Variants in DLG1 observed in about 807,000 individuals in gnomAD.
DLG1 encodes the protein discs large MAGUK scaffold protein 1, also known as disks large homolog 1.
Under a neutral mutation model 123.4 loss-of-function variants are expected in DLG1, and 42 were observed. The ratio of observed to expected loss-of-function variants is 0.34; its 90% CI spans 0.27 to 0.44. The LOEUF (loss-of-function observed/expected upper bound fraction) is 0.44, where lower values mean the gene tolerates loss of function less well. Ranked by LOEUF, DLG1 falls within the 20% of genes least tolerant of loss-of-function variation. DLG1 has a pLI of 1.00. For synonymous variants in DLG1, 317 were observed against 356.2 expected, an observed-to-expected ratio of 0.89 and a Z score of 1.24; for missense variants, 942 against 1,082.6, an observed-to-expected ratio of 0.87 and a Z score of 1.82.
intron 17 of DLG1, chr3:197,080,819 A>G: frequency 2.8e-6 from 1 of 358,506 alleles, no homozygotes; most frequent in Non-Finnish European, 5.0e-6. Flanking sequence ...TTCATTTATA[A>G]AAATAAGCTT....
In DLG1 at chr3:197,297,213, A is replaced by C. The variant is rs991070764; in HGVS notation, c.-9T>G. On this transcript the variant is annotated 5_prime_UTR_variant, in exon 2 of 25. Coordinates refer to ENST00000667157, the MANE Select transcript of DLG1 (RefSeq NM_001366207.1). ...TGCTTCCGGACCGGCATTTTTCTCC[A>C]GAATCAGGAAGAGGGCACACACCTT... 1 of 1,614,040 alleles carries C rather than the reference A, an allele frequency of 6.2e-7. No individual in the cohort carries two copies. The highest frequency in any genetic ancestry group is 1.3e-5 in the African/African-American group (1 of 74,918).
At chr3:197,140,372 T>TA in intron 7 of DLG1, 108 bp from the exon 8 acceptor site, 1 of 1,112,496 alleles carries the variant, frequency 9.0e-7, no homozygotes. Flanking sequence ...ACACAACAAA[T>TA]AAAGGTATAT....
rs1730689939 is a variant in DLG1, at chr3:197,210,312, G to GA, written c.319-15724dup. ...AGAAGGAAGGAAATAATAAAAGGCAGAAATCAATGAAACAGAAAACAAAGA... is the reference window on the plus strand; with the variant it reads ...AGAAGGAAGGAAATAATAAAAGGCAGAAAATCAATGAAACAGAAAACAAAGA... On this transcript the variant is annotated intron_variant, in intron 4 of 24. Coordinates refer to ENST00000667157, the MANE Select transcript of DLG1 (RefSeq NM_001366207.1). Among the ~76,000 whole-genome samples the GA allele has an allele frequency of 1.4e-5, 2 of 140,980 alleles. 1 individual carries two copies. The highest frequency in any genetic ancestry group is 5.0e-5 in the African/African-American group (2 of 40,218). The allele number at this position is 140,980 out of a possible 152,430, so 92.5% of individuals were successfully genotyped here.
intron 4 of DLG1, among the ~76,000 whole-genome samples, chr3:197,196,696 A>G (rs1208315476): frequency 1.3e-5 from 2 of 152,246 alleles, no homozygotes; most frequent in Non-Finnish European, 2.9e-5. Context: ...CCATCGTAGG[A>G]AATTCTACAC....
intron 5 of DLG1, among the ~76,000 whole-genome samples, chr3:197,190,811 C>A (rs1577823603): frequency 6.6e-6 from 1 of 152,208 alleles, no homozygotes; most frequent in Non-Finnish European, 1.5e-5. Flanking sequence ...GAGATCGAGA[C>A]CATCCTGGCT....
Position 197,119,520 on chromosome 3 carries a change from C to T in DLG1, c.1176G>A (p.Gln392=), listed in dbSNP as rs764353379. ...APPDITNSSS[Q]PVDNHVSPSS... ...ATGGGCTAACATGGTTATCAACAGG[C>T]TGAGAAGAAGCTTCAAAATAAACAA... Residue 392 remains glutamine (Q), a synonymous_variant, in exon 12 of 25, where the codon CAG becomes CAA. Transcript: ENST00000667157. 2 of 1,605,992 alleles carry T rather than the reference C, an allele frequency of 1.2e-6. No homozygotes were observed. The highest frequency in any genetic ancestry group is 1.1e-5 in the South Asian group (1 of 89,998).
intron 6 of DLG1, among the ~76,000 whole-genome samples, chr3:197,147,321 G>T (rs1248963956): frequency 6.6e-6 from 1 of 152,000 alleles, no homozygotes. Context: ...GTCATTATAT[G>T]AAAAAGATAC....
At chr3:197,241,917 C>T (rs916181546) in intron 4 of DLG1, among the ~76,000 whole-genome samples, 5 of 151,856 alleles carry the variant, frequency 3.3e-5, no homozygotes, top group Admixed American at 2.6e-4. Flanking sequence ...GGAAGAGTTA[C>T]GAAACAATCA....
In DLG1 at chr3:197,066,865, G is replaced by C. The variant is rs900743073; in HGVS notation, c.2048-111C>G. On this transcript the variant is annotated intron_variant, in intron 19 of 24. Coordinates refer to ENST00000667157, the MANE Select transcript of DLG1 (RefSeq NM_001366207.1). ...AGAACTTTCCTGAGAAAATGGCAAA[G>C]ATATGGAAAGAGGTACTTTATGGCA... The C allele has an allele frequency of 7.9e-6, 5 of 633,950 alleles. No individual in the cohort carries two copies. In the African/African-American group the frequency reaches 9.3e-5, roughly 12 times the overall value. The allele number at this position is 633,950 out of a possible 1,614,324, so 39.3% of individuals were successfully genotyped here.
intron 4 of DLG1, among the ~76,000 whole-genome samples, chr3:197,273,188 ATGTG>A (rs34778202): frequency 6.8e-5 from 10 of 147,966 alleles, no homozygotes; most frequent in Admixed American, 3.4e-4. Flanking sequence ...CACTGAATAT[ATGTG>A]TGTGTGTGTG....
intron 4 of DLG1, among the ~76,000 whole-genome samples, chr3:197,218,968 T>C (rs1371265851): frequency 1.3e-5 from 2 of 151,798 alleles, no homozygotes; most frequent in Admixed American, 1.3e-4. Flanking sequence ...CCGTCTCTAG[T>C]AAAAATACAA....
At chr3:197,146,559 C>T (rs1790865112) in intron 6 of DLG1, among the ~76,000 whole-genome samples, 1 of 152,160 alleles carries the variant, frequency 6.6e-6, no homozygotes, top group South Asian at 2.1e-4. Flanking sequence ...AAAGGACACC[C>T]TATTTGACAA....
intron 4 of DLG1, among the ~76,000 whole-genome samples, chr3:197,218,716 A>G (rs1735313678): frequency 6.6e-6 from 1 of 152,218 alleles, no homozygotes; most frequent in South Asian, 2.1e-4. Context: ...ATTTAAAATA[A>G]CAATGTAAAT....
intron 13 of DLG1, among the ~76,000 whole-genome samples, chr3:197,108,733 C>T (rs529197317): frequency 2.6e-5 from 4 of 152,260 alleles, no homozygotes; most frequent in African/African-American, 9.6e-5. Context: ...CACCCGTTTA[C>T]TTTCAACCTT....
intron 22 of DLG1, among the ~76,000 whole-genome samples, chr3:197,062,575 T>A (rs1294749040): frequency 2.0e-5 from 3 of 152,214 alleles, no homozygotes; most frequent in African/African-American, 7.2e-5. Context: ...TTTTTACACA[T>A]CTTCATCATT....
chr3:197,141,723 A>AT (rs1276151841), intron 7 of DLG1, among the ~76,000 whole-genome samples: 1 of 152,028 alleles, frequency 6.6e-6, no homozygotes, highest in Non-Finnish European at 1.5e-5. Context: ...GAATGCAGAT[A>AT]TTCTTTTTTC....
Position 197,272,631 on chromosome 3 carries a change from A to G in DLG1, c.318+10048T>C, listed in dbSNP as rs573456040. Among the ~76,000 whole-genome samples the G allele has an allele frequency of 2.0e-4, 30 of 152,376 alleles. No homozygotes were observed. In the South Asian group the frequency reaches 6.2e-3, roughly 32 times the overall value. On this transcript the variant is annotated intron_variant, in intron 4 of 24. Coordinates refer to ENST00000667157, the MANE Select transcript of DLG1 (RefSeq NM_001366207.1). The stretch of plus-strand genomic sequence containing the variant: ...ACCATCAATGGCAGAATGTGTAAAT[A>G]TATTCTGGTATATCATACAATGGAA...
At position 197,149,811 on chromosome 3, in the gene DLG1, T is replaced by A; in HGVS notation, c.484-15A>T. 1 of 1,516,314 alleles carries A rather than the reference T, an allele frequency of 6.6e-7. No individual in the cohort carries two copies. Among genetic ancestry groups the A allele is most frequent in the Non-Finnish European group, 9.1e-7 (1 of 1,095,334 alleles). 93.9% of individuals were successfully genotyped at this position (1,516,314 alleles called of 1,614,324 possible). A position where few individuals can be genotyped will look rare whatever the true frequency, so the allele number is the denominator to read the frequency against. On this transcript the variant is annotated splice_polypyrimidine_tract_variant and intron_variant, in intron 5 of 24. Transcript: ENST00000667157. ...GGAGGATTTGCCTTTAAGAAGAAAT[T>A]GTAAATGTGTTAACAAGAAAATAAA...
chr3:197,098,139 T>A (rs1761644355), intron 14 of DLG1, among the ~76,000 whole-genome samples: 1 of 152,230 alleles, frequency 6.6e-6, no homozygotes, highest in Non-Finnish European at 1.5e-5. Context: ...CTCTGCTTCC[T>A]TAGCCCTGAG....
Sources: allele counts gnomAD v4.1 joint callset (sites outside exome capture counted in the v4.1 genomes callset), GRCh38; gene constraint gnomAD v4.1.1; transcripts MANE v1.5; gene names NCBI Gene and HGNC (gene_info 2026-07-23, HGNC 2026-07-21).